Variants in TMEM184B observed in about 807,000 individuals in gnomAD.
TMEM184B encodes transmembrane protein 184B.
A neutral mutation model predicts 41.8 loss-of-function variants in TMEM184B; 17 were observed. The ratio of observed to expected loss-of-function variants is 0.41; its 90% CI spans 0.28 to 0.61. The LOEUF (loss-of-function observed/expected upper bound fraction) is 0.61. Ranked by LOEUF, TMEM184B falls within the 20% of genes least tolerant of loss-of-function variation. TMEM184B has a pLI of 0.34. For missense variants in TMEM184B, 393 were observed against 557.8 expected, an observed-to-expected ratio of 0.70 and a Z score of 2.98; for synonymous variants, 240 against 229.5, an observed-to-expected ratio of 1.05 and a Z score of -0.41.
intron 8 of TMEM184B, among the ~76,000 whole-genome samples, chr22:38,224,381 T>C (rs2091362191): frequency 6.6e-6 from 1 of 152,244 alleles, no homozygotes; most frequent in African/African-American, 2.4e-5. Context: ...CCCAAAGTGC[T>C]GGGATTATAG....
Position 38,272,795 on chromosome 22 carries a change from G to A in TMEM184B, c.-59+89C>T, listed in dbSNP as rs991987558. On this transcript the variant is annotated intron_variant, in intron 1 of 8. Transcript: ENST00000361906. ...GCGGCCGAAGCCGGGCGTCCCTCGCGCGGGCCTCTCCGAAACAAGCAGCCC... is the reference window on the plus strand; with the variant it reads ...GCGGCCGAAGCCGGGCGTCCCTCGCACGGGCCTCTCCGAAACAAGCAGCCC... 3 of 965,416 alleles carry A rather than the reference G, an allele frequency of 3.1e-6. No individual in the cohort carries two copies. The African/African-American group carries it at 5.4e-5, about 17-fold the overall frequency. 59.8% of individuals were successfully genotyped at this position (965,416 alleles called of 1,614,324 possible).
chr22:38,271,903 AC>A (rs1438719737), intron 1 of TMEM184B, among the ~76,000 whole-genome samples: 2 of 152,208 alleles, frequency 1.3e-5, no homozygotes, highest in African/African-American at 4.8e-5. Flanking sequence ...CAACGAAGTC[AC>A]ACCTCTGAGA....
At chr22:38,255,485 A>T (rs955239687) in intron 1 of TMEM184B, among the ~76,000 whole-genome samples, 1 of 152,228 alleles carries the variant, frequency 6.6e-6, no homozygotes, top group African/African-American at 2.4e-5. Context: ...GCAGTTTCTT[A>T]TAAAACTAAC....
intron 8 of TMEM184B, chr22:38,223,124 G>A (rs1418776014): frequency 6.6e-6 from 1 of 152,434 alleles, no homozygotes; most frequent in South Asian, 2.1e-4. Flanking sequence ...CTATCCTGAG[G>A]GCTGAGGGTC....
chr22:38,242,586 C>T (rs1212050121), intron 3 of TMEM184B, among the ~76,000 whole-genome samples: 1 of 152,242 alleles, frequency 6.6e-6, no homozygotes, highest in Non-Finnish European at 1.5e-5. Context: ...AATCCCACTC[C>T]CTCCTGGGCC....
At position 38,237,173 on chromosome 22, in the gene TMEM184B, C is replaced by T. The variant is rs770009270; in HGVS notation, c.359-5839G>A. Among the ~76,000 whole-genome samples, 32 of 152,164 alleles carry T rather than the reference C, an allele frequency of 2.1e-4. No homozygotes were observed. In the East Asian group the frequency reaches 2.3e-3, roughly 11 times the overall value. On this transcript the variant is annotated intron_variant, in intron 3 of 8. Transcript: ENST00000361906. Reference sequence around the variant, plus strand: ...AAGGCTCTACATGTTCACATCCCCCCGCAACGGCCACCCTCATTCCCCCAC... The same window carrying T: ...AAGGCTCTACATGTTCACATCCCCCTGCAACGGCCACCCTCATTCCCCCAC...
Position 38,221,990 on chromosome 22 carries a change from G to A in TMEM184B, c.983-280C>T, listed in dbSNP as rs1265218563. On this transcript the variant is annotated intron_variant, in intron 8 of 8. Coordinates refer to ENST00000361906, the MANE Select transcript of TMEM184B (RefSeq NM_012264.5). The stretch of plus-strand genomic sequence containing the variant: ...GCTGGCTGCAGGGAAGGGACCCAGG[G>A]TGGAGACTGGCAAGCTATGGGCAGT... 1.8e-5 allele frequency: 9 copies of A among 502,594 alleles called. No homozygotes were observed. In the Admixed American group the frequency reaches 2.4e-4, roughly 13 times the overall value. The allele number at this position is 502,594 out of a possible 1,614,324, so 31.1% of individuals were successfully genotyped here.
intron 3 of TMEM184B, among the ~76,000 whole-genome samples, chr22:38,233,047 A>G (rs1485911913): frequency 6.6e-6 from 1 of 152,174 alleles, no homozygotes; most frequent in Non-Finnish European, 1.5e-5. Context: ...GGTGCCACTC[A>G]TGGCACACAC....
At position 38,226,897 on chromosome 22, in the gene TMEM184B, G is replaced by A. The variant is rs1443785539; in HGVS notation, c.526-27C>T. 9.6e-6 allele frequency: 15 copies of A among 1,560,524 alleles called. No individual in the cohort carries two copies. The highest frequency in any genetic ancestry group is 1.3e-5 in the Non-Finnish European group (15 of 1,153,740). ...TGTTGGGGGGAAAAGGAGGTTGAGT[G>A]TGGAGGAGGAGCACAGAAGGCATGA... On this transcript the variant is annotated intron_variant, in intron 5 of 8. Coordinates refer to ENST00000361906, the MANE Select transcript of TMEM184B (RefSeq NM_012264.5). The surrounding 1 kb of genome is among the most constrained non-coding windows in gnomAD (Gnocchi z 4.6).
Position 38,225,052 on chromosome 22 carries a change from A to G in TMEM184B, c.788-73T>C, listed in dbSNP as rs2091390219. On this transcript the variant is annotated intron_variant, in intron 7 of 8. Transcript: ENST00000361906. This position sits in a 1 kb window ranked among gnomAD's most constrained non-coding sequence, Gnocchi z 4.4. ...GCTCCCCCTTCTTCCACAATGCCCC[A>G]TTCAGCTGCCCACATGCCCCAGTGA... The G allele has an allele frequency of 6.9e-7, 1 of 1,445,694 alleles. No homozygotes were observed. Among genetic ancestry groups the G allele is most frequent in the East Asian group, 2.5e-5 (1 of 39,592 alleles). The allele number at this position is 1,445,694 out of a possible 1,614,324, so 89.6% of individuals were successfully genotyped here. A position where few individuals can be genotyped will look rare whatever the true frequency, so the allele number is the denominator to read the frequency against.
chr22:38,249,591 CAT>C (rs781164809), intron 1 of TMEM184B, among the ~76,000 whole-genome samples: 3 of 152,222 alleles, frequency 2.0e-5, no homozygotes, highest in Non-Finnish European at 2.9e-5. Context: ...CCTTCTACCA[CAT>C]GAGGACACAG....
rs372933522 is a variant in TMEM184B, at chr22:38,220,356, G to A, written c.*1113C>T. On this transcript the variant is annotated 3_prime_UTR_variant, in exon 9 of 9. Transcript: ENST00000361906. ...GCGTGTGGGACAGATGGGGAGCCAGGGAGGGGCGCTTTCATATGTGACTAA... is the reference window on the plus strand; with the variant it reads ...GCGTGTGGGACAGATGGGGAGCCAGAGAGGGGCGCTTTCATATGTGACTAA... 4.1e-6 allele frequency: 4 copies of A among 986,058 alleles called. No individual in the cohort carries two copies. Among genetic ancestry groups the A allele is most frequent in the Non-Finnish European group, 1.2e-6 (1 of 830,194 alleles). 61.1% of individuals were successfully genotyped at this position (986,058 alleles called of 1,614,324 possible). A position where few individuals can be genotyped will look rare whatever the true frequency, so the allele number is the denominator to read the frequency against.
chr22:38,232,709 C>T (rs1344211629), intron 3 of TMEM184B, among the ~76,000 whole-genome samples: 1 of 152,192 alleles, frequency 6.6e-6, no homozygotes, highest in Non-Finnish European at 1.5e-5. Context: ...CCTGGTGCCG[C>T]CCAGCTTGGC....
chr22:38,223,687 T>C (rs1263924895), intron 8 of TMEM184B: 1 of 152,356 alleles, frequency 6.6e-6, no homozygotes, highest in Non-Finnish European at 1.5e-5. Context: ...GGCTCCTGGG[T>C]GGATGTGTCA....
Position 38,247,831 on chromosome 22 carries a change from G to C in TMEM184B, c.131C>G (p.Thr44Ser). The C allele has an allele frequency of 6.2e-7, 1 of 1,613,990 alleles. No homozygotes were observed. The highest frequency in any genetic ancestry group is 8.5e-7 in the Non-Finnish European group (1 of 1,180,000). The stretch of plus-strand genomic sequence containing the variant: ...GAAGCCAGAGATGGCCTGAGCGGCA[G>C]TTGTCATCAGGAACACAGGCTGCTC... Reference protein sequence around the residue: ...AMEQPVFLMTTAAQAISGFFV... With the variant: ...AMEQPVFLMTSAAQAISGFFV... Residue 44 changes from threonine (T) to serine (S), a missense_variant, in exon 2 of 9, where the codon ACT becomes AGT. By Grantham distance (58) the Thr-to-Ser change is moderately conservative. Around this residue, in one of 2 missense-constraint regions of TMEM184B, gnomAD observed 122 missense variants for 123.7 expected, o/e 0.99. Transcript: ENST00000361906.
Position 38,231,342 on chromosome 22 carries a change from G to T in TMEM184B, c.359-8C>A, listed in dbSNP as rs200937445. The T allele has an allele frequency of 6.2e-7, 1 of 1,612,598 alleles. No individual in the cohort carries two copies. ...AATTATAGATGACCAAGGCTGCGAAGAGAGTGTCCAGGAGAAACCAGTCAA... is the reference window on the plus strand; with the variant it reads ...AATTATAGATGACCAAGGCTGCGAATAGAGTGTCCAGGAGAAACCAGTCAA... On this transcript the variant is annotated splice_region_variant and splice_polypyrimidine_tract_variant and intron_variant, in intron 3 of 8. Transcript: ENST00000361906.
At chr22:38,241,672 CAGG>C (rs1200649411) in intron 3 of TMEM184B, among the ~76,000 whole-genome samples, 1 of 151,890 alleles carries the variant, frequency 6.6e-6, no homozygotes, top group Non-Finnish European at 1.5e-5. Flanking sequence ...ATCACAAGAT[CAGG>C]AGATCGAGAC....
chr22:38,260,728 C>T (rs1427654021), intron 1 of TMEM184B, among the ~76,000 whole-genome samples: 1 of 152,230 alleles, frequency 6.6e-6, no homozygotes. Context: ...GCTGCCATTG[C>T]TCTCCCACTT....
At chr22:38,259,093 T>TCA (rs775244526) in intron 1 of TMEM184B, among the ~76,000 whole-genome samples, 13 of 152,130 alleles carry the variant, frequency 8.5e-5, no homozygotes, top group Non-Finnish European at 1.8e-4. Context: ...TGGCCCCCCA[T>TCA]CAGAGACATC....
Sources: gnomAD v4.1 joint callset for allele counts (sites outside exome capture counted in the v4.1 genomes callset) on GRCh38, gnomAD v4.1.1 for gene constraint, gnomAD v4.1.1 regional missense constraint, Gnocchi (gnomAD v3.1) non-coding constraint, MANE v1.5 for transcripts, NCBI Gene and HGNC (gene_info 2026-07-23, HGNC 2026-07-21) for gene names.